Variants in TPH1 observed in about 807,000 individuals in gnomAD.
TPH1 encodes tryptophan hydroxylase 1, also known as tryptophan 5-hydroxylase 1.
TPH1 carries 37 observed loss-of-function variants against 49.5 expected under a neutral mutation model. The ratio of observed to expected loss-of-function variants is 0.75; its 90% CI spans 0.58 to 0.98. The LOEUF (loss-of-function observed/expected upper bound fraction) is 0.98, where lower values mean the gene tolerates loss of function less well. Ranked by LOEUF, TPH1 falls within the 50% of genes least tolerant of loss-of-function variation. The probability of loss-of-function intolerance (pLI) is 0.00; values close to 1 mark genes in which losing one functional copy is unlikely to be tolerated. For synonymous variants in TPH1, 160 were observed against 182.1 expected (o/e 0.88, Z 0.98); for missense variants, 487 against 523.6 (o/e 0.93, Z 0.68).
Position 18,036,006 on chromosome 11 carries a change from T to TTGGTA in TPH1, c.249_253dup (p.Asn85IlefsTer7), listed in dbSNP as rs1564858930. ...ATCTGGTAGATTCACAGAGAGAACA[T>TTGGTA]TGGTATGAGACTTCAGCAGATGAAA... On this transcript the variant is annotated frameshift_variant, in exon 3 of 11. Coordinates refer to ENST00000682019, the MANE Select transcript of TPH1 (RefSeq NM_004179.3). LOFTEE classifies it high-confidence loss of function. The TTGGTA allele has an allele frequency of 6.2e-7, 1 of 1,612,622 alleles. No individual in the cohort carries two copies. The highest frequency in any genetic ancestry group is 8.5e-7 in the Non-Finnish European group (1 of 1,179,884).
intron 9 of TPH1, 103 bp from the exon 10 acceptor site, chr11:18,023,034 G>C: frequency 8.0e-7 from 1 of 1,252,674 alleles, no homozygotes; most frequent in Non-Finnish European, 1.1e-6. Context: ...TAATGCAATG[G>C]CCCCAATCTA....
At chr11:18,022,653 A>T (rs1177058044) in intron 10 of TPH1, 145 bp downstream of exon 10, 1 of 812,628 alleles carries the variant, frequency 1.2e-6, no homozygotes, top group Admixed American at 2.1e-5. Context: ...TACTCTAGAT[A>T]CTTGTTATGA....
At chr11:18,027,916 T>C (rs923223629) in intron 6 of TPH1, among the ~76,000 whole-genome samples, 1 of 152,246 alleles carries the variant, frequency 6.6e-6, no homozygotes, top group African/African-American at 2.4e-5. Flanking sequence ...TGTATAGTTG[T>C]TGAATACTGT....
intron 10 of TPH1, among the ~76,000 whole-genome samples, 179 bp downstream of exon 10, chr11:18,022,619 T>G (rs993847277): frequency 6.6e-6 from 1 of 152,216 alleles, no homozygotes; most frequent in Non-Finnish European, 1.5e-5. Context: ...TATTTGCAAC[T>G]ATGCAAAATC....
Position 18,020,966 on chromosome 11 carries a change from A to C in TPH1, c.*25T>G, listed in dbSNP as rs118029964. On this transcript the variant is annotated 3_prime_UTR_variant, in exon 11 of 11. Coordinates refer to ENST00000682019, the MANE Select transcript of TPH1 (RefSeq NM_004179.3). ...GCCCAGACCTCCGAATTGATGCTCA[A>C]ATGTTCCTGGATGACTGGCTACTGT... 6.2e-7 allele frequency: 1 copy of C among 1,613,010 alleles called. No homozygotes were observed. Among genetic ancestry groups the C allele is most frequent in the African/African-American group, 1.3e-5 (1 of 74,972 alleles).
chr11:18,035,696 G>A (rs935335502), intron 3 of TPH1, among the ~76,000 whole-genome samples: 2 of 151,972 alleles, frequency 1.3e-5, no homozygotes, highest in Admixed American at 1.3e-4. Context: ...AAAGTGCGGG[G>A]ATTACAGGCA....
In TPH1 at chr11:18,019,399, G is replaced by A. The variant is rs780739204; in HGVS notation, c.*1592C>T. 4.3e-6 allele frequency: 1 copy of A among 230,868 alleles called. No homozygotes were observed. The highest frequency in any genetic ancestry group is 1.3e-4 in the East Asian group (1 of 7,828). 14.3% of individuals were successfully genotyped at this position (230,868 alleles called of 1,614,324 possible). A position where few individuals can be genotyped will look rare whatever the true frequency, so the allele number is the denominator to read the frequency against. ...CTGGGAAAGGAAGCTGATGGACTGTGATATTCAAGTGATTCTGAGTTCCTT... is the reference window on the plus strand; with the variant it reads ...CTGGGAAAGGAAGCTGATGGACTGTAATATTCAAGTGATTCTGAGTTCCTT... On this transcript the variant is annotated 3_prime_UTR_variant, in exon 11 of 11. Coordinates refer to ENST00000682019, the MANE Select transcript of TPH1 (RefSeq NM_004179.3).
In TPH1 at chr11:18,029,321, T is replaced by C; in HGVS notation, c.511A>G (p.Ile171Val). The C allele has an allele frequency of 6.2e-7, 1 of 1,614,062 alleles. No individual in the cohort carries two copies. The change falls in exon 6 of 11, where the codon ATT (isoleucine) becomes GTT (valine). Residue 171 changes from isoleucine to valine, a missense_variant. Physicochemically the swap from Ile to Val is conservative, Grantham distance 29. Coordinates refer to ENST00000682019, the MANE Select transcript of TPH1 (RefSeq NM_004179.3). ...IPKVEFTEEE[I>V]KTWGTVFQEL... is the part of the protein sequence containing the mutation. ...TGGAATACGGTTCCCCAGGTCTTAA[T>C]CTCCTCTTCAGTGAATTCAACCTTT...
intron 1 of TPH1, chr11:18,041,417 TG>T (rs1438530054): frequency 2.0e-5 from 3 of 152,296 alleles, no homozygotes; most frequent in Non-Finnish European, 4.4e-5. Context: ...AGGAAATATG[TG>T]GAATGTGAAG....
At chr11:18,030,888 G>A (rs1232413292) in intron 4 of TPH1, among the ~76,000 whole-genome samples, 1 of 152,198 alleles carries the variant, frequency 6.6e-6, no homozygotes. Context: ...AAACTAGTTG[G>A]TGTCTGCAAA....
chr11:18,044,591 C>CGTTT (rs1848125576), intron 1 of TPH1, among the ~76,000 whole-genome samples: 1 of 151,804 alleles, frequency 6.6e-6, no homozygotes, highest in East Asian at 1.9e-4. Context: ...TTGATCGTTA[C>CGTTT]TAAAACTTGG....
At chr11:18,042,151 T>C (rs1012351208) in intron 1 of TPH1, among the ~76,000 whole-genome samples, 1 of 151,946 alleles carries the variant, frequency 6.6e-6, no homozygotes, top group African/African-American at 2.4e-5. Flanking sequence ...AGCCCATCCA[T>C]GAGTCTCTGC....
At chr11:18,036,380 G>T (rs1848048577) in intron 2 of TPH1, among the ~76,000 whole-genome samples, 1 of 152,118 alleles carries the variant, frequency 6.6e-6, no homozygotes, top group Non-Finnish European at 1.5e-5. Context: ...CACACTAGAG[G>T]TCCTTCAGAT....
chr11:18,025,627 A>G lies in TPH1; in HGVS notation c.878T>C (p.Ile293Thr). The G allele has an allele frequency of 6.2e-7, 1 of 1,614,034 alleles. No homozygotes were observed. Among genetic ancestry groups the G allele is most frequent in the South Asian group, 1.1e-5 (1 of 91,078 alleles). The change falls in exon 8 of 11, where the codon ATT becomes ACT. Residue 293 changes from isoleucine to threonine, a missense_variant. By Grantham distance (89) the Ile-to-Thr change is moderately conservative. Transcript: ENST00000682019. ...EPSFAQFSQE[I>T]GLASLGASEE... ...TGAAGCGCCAAGAGAAGCCAAGCCA[A>G]TTTCTTGGGAGAATTGGGCAAAACT...
chr11:18,035,715 C>G (rs1253787026), intron 3 of TPH1, among the ~76,000 whole-genome samples: 1 of 152,166 alleles, frequency 6.6e-6, no homozygotes, highest in Non-Finnish European at 1.5e-5. Flanking sequence ...CATGAGCCAC[C>G]ACACCCAGCT....
At chr11:18,021,521 C>T (rs1340778482) in intron 10 of TPH1, among the ~76,000 whole-genome samples, 5 of 152,144 alleles carry the variant, frequency 3.3e-5, no homozygotes, top group African/African-American at 4.8e-5. Flanking sequence ...TATCAGTAGA[C>T]GTAAAACTGT....
chr11:18,043,512 T>A (rs570457411), intron 1 of TPH1, among the ~76,000 whole-genome samples: 1 of 151,180 alleles, frequency 6.6e-6, no homozygotes, highest in Non-Finnish European at 1.5e-5. Flanking sequence ...GGCTGAGGCA[T>A]GAAAATCGTT....
intron 10 of TPH1, 132 bp downstream of exon 10, chr11:18,022,666 G>T: frequency 1.1e-6 from 1 of 911,404 alleles, no homozygotes; most frequent in African/African-American, 1.7e-5. Flanking sequence ...TGTTATGAAA[G>T]GAAGATGTGT....
intron 1 of TPH1, 172 bp from the exon 2 acceptor site, chr11:18,040,960 A>G (rs1167101311): frequency 1.9e-6 from 1 of 539,214 alleles, no homozygotes. Context: ...ATAAGATACA[A>G]CTTTGCCTGA....
Sources: gnomAD v4.1 joint callset for allele counts (sites outside exome capture counted in the v4.1 genomes callset) on GRCh38, gnomAD v4.1.1 for gene constraint, MANE v1.5 for transcripts, NCBI Gene and HGNC (gene_info 2026-07-23, HGNC 2026-07-21) for gene names.